Variants in PLCXD3 observed in about 807,000 individuals in gnomAD.
PLCXD3 encodes PI-PLC X domain-containing protein 3.
A neutral mutation model predicts 25.5 loss-of-function variants in PLCXD3; 19 were observed. The observed-to-expected ratio is 0.75, with a 90% CI of 0.52 to 1.09. The LOEUF (loss-of-function observed/expected upper bound fraction) is 1.09, where lower values mean the gene tolerates loss of function less well. Ranked by LOEUF, PLCXD3 falls within the 50% of genes least tolerant of loss-of-function variation. The pLI, the probability that PLCXD3 is intolerant of heterozygous loss-of-function variation, is 0.00. For synonymous variants in PLCXD3, 174 were observed against 137.6 expected (o/e 1.26, Z -1.85); for missense variants, 411 against 388.1 (o/e 1.06, Z -0.50).
chr5:41,321,557 C>T (rs1387512279), intron 2 of PLCXD3, among the ~76,000 whole-genome samples: 1 of 152,126 alleles, frequency 6.6e-6, no homozygotes, highest in African/African-American at 2.4e-5. Context: ...TAATGATATT[C>T]TTCATAGAAA....
chr5:41,449,004 A>C (rs1226640891), intron 1 of PLCXD3, among the ~76,000 whole-genome samples: 1 of 152,196 alleles, frequency 6.6e-6, no homozygotes, highest in Non-Finnish European at 1.5e-5. Context: ...CTGTACCCAC[A>C]CTATGGTTCC....
intron 2 of PLCXD3, among the ~76,000 whole-genome samples, chr5:41,331,492 A>C (rs975496144): frequency 1.1e-4 from 17 of 152,216 alleles, no homozygotes; most frequent in African/African-American, 4.1e-4. Context: ...AAGGAGAGTC[A>C]ATATCGTGAA....
chr5:41,437,877 T>C (rs1358722402), intron 1 of PLCXD3, among the ~76,000 whole-genome samples: 1 of 152,208 alleles, frequency 6.6e-6, no homozygotes, highest in Non-Finnish European at 1.5e-5. Flanking sequence ...GGCTAACTAC[T>C]GTCCATCAAC....
intron 1 of PLCXD3, among the ~76,000 whole-genome samples, chr5:41,501,513 T>C (rs1216018008): frequency 1.3e-5 from 2 of 152,102 alleles, no homozygotes; most frequent in East Asian, 3.9e-4. Flanking sequence ...GAGAGTGGAA[T>C]GCTGGTTGCC....
At chr5:41,444,048 G>GT (rs563025342) in intron 1 of PLCXD3, among the ~76,000 whole-genome samples, 1 of 151,780 alleles carries the variant, frequency 6.6e-6, no homozygotes, top group African/African-American at 2.4e-5. Flanking sequence ...CTTCTCAGGT[G>GT]TTTTTTTTCT....
At position 41,382,424 on chromosome 5, in the gene PLCXD3, G is replaced by A. The variant is rs1238503805; in HGVS notation, c.214C>T (p.Leu72Phe). Reference sequence around the variant, plus strand: ...TGAGTGGCTAACCATTTCCGCATGAGCTTTTTGGCCACAGTTCCAAACACA... The same window carrying A: ...TGAGTGGCTAACCATTTCCGCATGAACTTTTTGGCCACAGTTCCAAACACA... ...VSVFGTVAKKLMRKWLATQTM... is the reference protein window; with the variant it reads ...VSVFGTVAKKFMRKWLATQTM... Residue 72 changes from leucine (L) to phenylalanine (F), a missense_variant, in exon 2 of 3, where the codon CTC (leucine) becomes TTC (phenylalanine). Transcript: ENST00000377801. 2.5e-6 allele frequency: 4 copies of A among 1,613,350 alleles called. No individual in the cohort carries two copies. The highest frequency in any genetic ancestry group is 3.4e-6 in the Non-Finnish European group (4 of 1,179,712).
chr5:41,446,003 T>C (rs1747487284), intron 1 of PLCXD3, among the ~76,000 whole-genome samples: 1 of 151,182 alleles, frequency 6.6e-6, no homozygotes, highest in African/African-American at 2.4e-5. Flanking sequence ...CTGGCTAACA[T>C]GGTGAAACCC....
chr5:41,471,514 T>A (rs1158950296), intron 1 of PLCXD3, among the ~76,000 whole-genome samples: 2 of 152,178 alleles, frequency 1.3e-5, no homozygotes, highest in Non-Finnish European at 2.9e-5. Flanking sequence ...TGGTCAGAAC[T>A]TGATTTCTGG....
At chr5:41,506,648 A>T (rs1749057592) in intron 1 of PLCXD3, among the ~76,000 whole-genome samples, 1 of 152,206 alleles carries the variant, frequency 6.6e-6, no homozygotes, top group South Asian at 2.1e-4. Context: ...CAGCAACAAA[A>T]AGGGATGACT....
chr5:41,382,560 G>T (rs772724190), intron 1 of PLCXD3, 26 bp from the exon 2 acceptor site: 1 of 1,524,228 alleles, frequency 6.6e-7, no homozygotes, highest in Non-Finnish European at 8.8e-7. Flanking sequence ...GGCATAGTGT[G>T]GTTAATTTCC....
At chr5:41,442,892 C>T (rs960911978) in intron 1 of PLCXD3, among the ~76,000 whole-genome samples, 1 of 85,826 alleles carries the variant, frequency 1.2e-5, no homozygotes, top group Admixed American at 1.5e-4. Context: ...TATTTCTGTC[C>T]TTCCCTTGAC....
intron 2 of PLCXD3, among the ~76,000 whole-genome samples, chr5:41,361,418 T>C (rs1429469966): frequency 6.6e-6 from 1 of 152,226 alleles, no homozygotes; most frequent in East Asian, 1.9e-4. Flanking sequence ...ATATAGTCTG[T>C]GGATTGTCTC....
intron 1 of PLCXD3, 30 bp downstream of exon 1, chr5:41,510,394 G>T (rs1035893207): frequency 1.3e-5 from 21 of 1,569,978 alleles, no homozygotes; most frequent in Admixed American, 1.8e-5. Flanking sequence ...CGGGCGCCGA[G>T]CGCCTAGCCC....
intron 1 of PLCXD3, among the ~76,000 whole-genome samples, chr5:41,491,007 G>A (rs1331960708): frequency 6.6e-6 from 1 of 152,122 alleles, no homozygotes; most frequent in African/African-American, 2.4e-5. Context: ...TGCTTTTCTA[G>A]TTCTTTTAAT....
chr5:41,446,202 G>GAAAAAAA (rs1747498877), intron 1 of PLCXD3, among the ~76,000 whole-genome samples: 1 of 71,624 alleles, frequency 1.4e-5, no homozygotes, highest in Non-Finnish European at 3.1e-5. Flanking sequence ...AAAAAAAAAA[G>GAAAAAAA]AACAACGAGA....
chr5:41,332,698 T>C (rs1743857641), intron 2 of PLCXD3, among the ~76,000 whole-genome samples: 1 of 152,106 alleles, frequency 6.6e-6, no homozygotes, highest in South Asian at 2.1e-4. Context: ...CCAACCCAAA[T>C]GTCCAACAAT....
At chr5:41,397,416 C>A (rs557204022) in intron 1 of PLCXD3, among the ~76,000 whole-genome samples, 3 of 152,062 alleles carry the variant, frequency 2.0e-5, no homozygotes, top group Non-Finnish European at 4.4e-5. Context: ...GCACAGGAGG[C>A]GAGAGTTGAG....
chr5:41,504,555 A>C (rs2111591358), intron 1 of PLCXD3, among the ~76,000 whole-genome samples: 1 of 152,346 alleles, frequency 6.6e-6, no homozygotes, highest in African/African-American at 2.4e-5. Flanking sequence ...TGGGTGACCA[A>C]GCTCTGGGAG....
At chr5:41,425,934 G>A (rs919301428) in intron 1 of PLCXD3, among the ~76,000 whole-genome samples, 1 of 152,184 alleles carries the variant, frequency 6.6e-6, no homozygotes, top group Non-Finnish European at 1.5e-5. Flanking sequence ...AGGTTTTCAT[G>A]TAGACATAAG....
Sources: allele counts gnomAD v4.1 joint callset (sites outside exome capture counted in the v4.1 genomes callset), GRCh38; gene constraint gnomAD v4.1.1; transcripts MANE v1.5; gene names NCBI Gene and HGNC (gene_info 2026-07-23, HGNC 2026-07-21).